FEM1A: variants seen among roughly 807,000 people sequenced by gnomAD.
The protein encoded by FEM1A is fem-1 homolog A.
FEM1A carries 1 observed loss-of-function variant against 0.7 expected under a neutral mutation model. The observed-to-expected ratio is 1.35, with a 90% CI of 0.48 to 6.40. The LOEUF is 6.40. Among genes scored for constraint, FEM1A ranks in the 30% most tolerant of loss-of-function variants. The pLI is 0.14. For missense variants in FEM1A, 721 were observed against 918.7 expected, an observed-to-expected ratio of 0.78 and a Z score of 2.78; for synonymous variants, 391 against 420.6, an observed-to-expected ratio of 0.93 and a Z score of 0.86.
Position 4,795,852 on chromosome 19 carries a change from A to G in FEM1A, c.*1988A>G, listed in dbSNP as rs569032680. The G allele has an allele frequency of 2.6e-3, 392 of 152,152 alleles. No individual in the cohort carries two copies. The highest frequency in any genetic ancestry group is 0.014 in the Middle Eastern group (4 of 294). The allele number at this position is 152,152 out of a possible 1,614,324, so 9.4% of individuals were successfully genotyped here. A position where few individuals can be genotyped will look rare whatever the true frequency, so the allele number is the denominator to read the frequency against. The stretch of plus-strand genomic sequence containing the variant: ...GCTGAGATTACAGGCACCTGCCACT[A>G]TGCCCAGCTAATTTTTGTATTTTCT... On this transcript the variant is annotated 3_prime_UTR_variant, in exon 1 of 1. Coordinates refer to ENST00000269856, the MANE Select transcript of FEM1A (RefSeq NM_018708.3).
rs1163115663 is a variant in FEM1A at position 4,791,998 on chromosome 19, C to T, written c.144C>T (p.Ala48=). 1.3e-6 allele frequency: 2 copies of T among 1,534,856 alleles called. No individual in the cohort carries two copies. Among genetic ancestry groups the T allele is most frequent in the Admixed American group, 2.0e-5 (1 of 51,166 alleles). ...VAGGGTPLLI[A]ARYGHLDVVE... The stretch of plus-strand genomic sequence containing the variant: ...GCGGGGGAACGCCGCTACTCATCGC[C>T]GCCCGCTACGGCCACCTGGACGTGG... Residue 48 remains alanine, a synonymous_variant, in exon 1 of 1, where the codon GCC becomes GCT. Transcript: ENST00000269856.
chr19:4,795,514 G>A lies in FEM1A; in HGVS notation c.*1650G>A, dbSNP rs1369188275. 2 of 166,848 alleles carry A rather than the reference G, an allele frequency of 1.2e-5. No homozygotes were observed. Among genetic ancestry groups the A allele is most frequent in the African/African-American group, 2.4e-5 (1 of 41,352 alleles). 10.3% of individuals were successfully genotyped at this position (166,848 alleles called of 1,614,324 possible). The stretch of plus-strand genomic sequence containing the variant: ...AGAAATGAGGCCGTTTACATGGCGA[G>A]TCTCCGTGCTGGTGTTTAAGTCATT... On this transcript the variant is annotated 3_prime_UTR_variant, in exon 1 of 1. Coordinates refer to ENST00000269856, the MANE Select transcript of FEM1A (RefSeq NM_018708.3).
At position 4,792,538 on chromosome 19, in the gene FEM1A, C is replaced by G; in HGVS notation, c.684C>G (p.Thr228=). The change falls in exon 1 of 1, where the codon ACC becomes ACG. Residue 228 remains threonine (T), a synonymous_variant. Coordinates refer to ENST00000269856, the MANE Select transcript of FEM1A (RefSeq NM_018708.3). The surrounding 1 kb of genome is among the most constrained non-coding windows in gnomAD (Gnocchi z 6.7). ...TCGCGGCCAGCGTGACGGGCCACAC[C>G]AACATCGTGGAGTACCTCATCCAGG... The part of the protein sequence containing the change: ...PLLAASVTGH[T]NIVEYLIQEQ... The G allele has an allele frequency of 1.2e-6, 2 of 1,602,170 alleles. No homozygotes were observed. The highest frequency in any genetic ancestry group is 1.7e-6 in the Non-Finnish European group (2 of 1,179,714).
rs1401384234 is a variant in FEM1A, at chr19:4,791,926, C to A, written c.72C>A (p.Ser24Arg). The change falls in exon 1 of 1, where the codon AGC becomes AGA. Residue 24 changes from serine (S) to arginine (R), a missense_variant. Ser to Arg is a moderately radical substitution (Grantham distance 110). Transcript: ENST00000269856. ...TGCAGCTGCTCCAGAAGCTGCTCAG[C>A]GGCCGGAGCCGGGAGGAACTGGACG... ...GKLQLLQKLL[S>R]GRSREELDEL... 3 of 1,525,664 alleles carry A rather than the reference C, an allele frequency of 2.0e-6. No homozygotes were observed. Among genetic ancestry groups the A allele is most frequent in the African/African-American group, 1.4e-5 (1 of 71,532 alleles). The allele number at this position is 1,525,664 out of a possible 1,614,324, so 94.5% of individuals were successfully genotyped here. A position where few individuals can be genotyped will look rare whatever the true frequency, so the allele number is the denominator to read the frequency against.
At position 4,792,811 on chromosome 19, in the gene FEM1A, T is replaced by G; in HGVS notation, c.957T>G (p.Leu319=). ...AGAAACGAGATCTGCTTGGGGCCCT[T>G]AAACACTGGAGGCGGGCCATGGAGC... The part of the protein sequence containing the change: ...VDKKRDLLGA[L]KHWRRAMELR... Residue 319 remains leucine, a synonymous_variant, in exon 1 of 1, where the codon CTT becomes CTG. Coordinates refer to ENST00000269856, the MANE Select transcript of FEM1A (RefSeq NM_018708.3). The surrounding 1 kb of genome is among the most constrained non-coding windows in gnomAD (Gnocchi z 6.7). 6.2e-7 allele frequency: 1 copy of G among 1,612,032 alleles called. No homozygotes were observed. Among genetic ancestry groups the G allele is most frequent in the Non-Finnish European group, 8.5e-7 (1 of 1,179,978 alleles).
rs1044386 is a variant in FEM1A at position 4,795,277 on chromosome 19, G to A, written c.*1413G>A. The A allele has an allele frequency of 0.2, 32,555 of 166,902 alleles. 3,408 individuals carry two copies. Among genetic ancestry groups the A allele is most frequent in the African/African-American group, 0.22 (9,249 of 41,424 alleles). The allele number at this position is 166,902 out of a possible 1,614,324, so 10.3% of individuals were successfully genotyped here. On this transcript the variant is annotated 3_prime_UTR_variant, in exon 1 of 1. Transcript: ENST00000269856. The stretch of plus-strand genomic sequence containing the variant: ...CAGCAGCAGGGAAGCCATTCTCACT[G>A]CATCCTCCCTGCAGTAGCCACGGCC...
In FEM1A at chr19:4,792,388, G is replaced by T. The variant is rs775324486; in HGVS notation, c.534G>T (p.Arg178=). 1 of 1,595,246 alleles carries T rather than the reference G, an allele frequency of 6.3e-7. No homozygotes were observed. The highest frequency in any genetic ancestry group is 8.5e-7 in the Non-Finnish European group (1 of 1,179,238). The change falls in exon 1 of 1, where the codon CGG becomes CGT. Residue 178 remains arginine (R), a synonymous_variant. Transcript: ENST00000269856. This position sits in a 1 kb window ranked among gnomAD's most constrained non-coding sequence, Gnocchi z 6.7. Reference sequence around the variant, plus strand: ...TGGAGCAGGGCGCCCAGGTGAACCGGCGCAGCGCCAAGGGCAACACGGCCC... The same window carrying T: ...TGGAGCAGGGCGCCCAGGTGAACCGTCGCAGCGCCAAGGGCAACACGGCCC... ...YLLEQGAQVN[R]RSAKGNTALH...
In FEM1A at chr19:4,793,593, A is replaced by T; in HGVS notation, c.1739A>T (p.Asp580Val). ...GCCGACCCGGACAGCAGGGATTTTG[A>T]CAACAACACCCCGCTACACATAGCA... is the stretch of plus-strand genomic sequence containing the variant. ...CGADPDSRDF[D>V]NNTPLHIAAQ... is the part of the protein sequence containing the mutation. Residue 580 changes from aspartate to valine, a missense_variant, in exon 1 of 1, where the codon GAC (aspartate) becomes GTC (valine). By Grantham distance (152) the Asp-to-Val change is radical (BLOSUM62 -3). Around this residue, in one of 4 missense-constraint regions of FEM1A, gnomAD observed 379 missense variants for 454.8 expected, o/e 0.83. Transcript: ENST00000269856. This position sits in a 1 kb window ranked among gnomAD's most constrained non-coding sequence, Gnocchi z 5.1. 1 of 1,612,692 alleles carries T rather than the reference A, an allele frequency of 6.2e-7. No homozygotes were observed. Among genetic ancestry groups the T allele is most frequent in the Non-Finnish European group, 8.5e-7 (1 of 1,179,816 alleles).
rs138347035 is a variant in FEM1A, at chr19:4,793,310, G to T, written c.1456G>T (p.Gly486Ter). 73 of 1,612,726 alleles carry T rather than the reference G, an allele frequency of 4.5e-5. No homozygotes were observed. Among genetic ancestry groups the T allele is most frequent in the Non-Finnish European group, 6.1e-5 (72 of 1,179,862 alleles). Residue 486 changes from glycine (G) to a stop codon, truncating the protein, a stop_gained, in exon 1 of 1, where the codon GGA (glycine) becomes TGA (stop). Transcript: ENST00000269856. LOFTEE classifies it low-confidence loss of function (END_TRUNC). This position sits in a 1 kb window ranked among gnomAD's most constrained non-coding sequence, Gnocchi z 5.1. ...ERALQLPREPGDSAQFTKALA... is the reference protein window; with the variant it reads ...ERALQLPREP The stretch of plus-strand genomic sequence containing the variant: ...GGCCCTGCAGCTGCCCAGGGAGCCC[G>T]GAGACTCAGCCCAGTTCACCAAGGC...
In FEM1A at chr19:4,800,597, AAT is replaced by A. The variant is rs1248381772; in HGVS notation, c.*6736_*6737del. The A allele has an allele frequency of 1.3e-5, 2 of 152,386 alleles. No individual in the cohort carries two copies. The highest frequency in any genetic ancestry group is 4.8e-5 in the African/African-American group (2 of 41,468). The allele number at this position is 152,386 out of a possible 1,614,324, so 9.4% of individuals were successfully genotyped here. A position where few individuals can be genotyped will look rare whatever the true frequency, so the allele number is the denominator to read the frequency against. ...TCTGTCCCACGCCAGGTGGCCTGTAAATATGGGCTGAGCAAGCGAACAGTGAA... is the reference window on the plus strand; with the variant it reads ...TCTGTCCCACGCCAGGTGGCCTGTAAATGGGCTGAGCAAGCGAACAGTGAA... On this transcript the variant is annotated 3_prime_UTR_variant, in exon 1 of 1. Transcript: ENST00000269856.
chr19:4,793,735 C>T lies in FEM1A; in HGVS notation c.1881C>T (p.Ala627=), dbSNP rs371791538. The T allele has an allele frequency of 6.2e-7, 1 of 1,612,652 alleles. No individual in the cohort carries two copies. Among genetic ancestry groups the T allele is most frequent in the African/African-American group, 1.3e-5 (1 of 74,878 alleles). ...AGCTGCTGGACGAGAAGCTGCTGGC[C>T]AGGGGTACCATGCAGCCCTTCAACT... ...AYELLDEKLL[A]RGTMQPFNYV... The change falls in exon 1 of 1, where the codon GCC becomes GCT. Residue 627 remains alanine, a synonymous_variant. Coordinates refer to ENST00000269856, the MANE Select transcript of FEM1A (RefSeq NM_018708.3). The surrounding 1 kb of genome is among the most constrained non-coding windows in gnomAD (Gnocchi z 5.1).
Position 4,794,105 on chromosome 19 carries a change from C to G in FEM1A, c.*241C>G, listed in dbSNP as rs2093558237. 1 of 529,788 alleles carries G rather than the reference C, an allele frequency of 1.9e-6. No homozygotes were observed. Among genetic ancestry groups the G allele is most frequent in the Non-Finnish European group, 3.5e-6 (1 of 286,682 alleles). The allele number at this position is 529,788 out of a possible 1,614,324, so 32.8% of individuals were successfully genotyped here. Reference sequence around the variant, plus strand: ...TTCTCCGGGAGCCCGCTCACTCATTCTGAGTTAGGAAAAGACACAAGACCT... The same window carrying G: ...TTCTCCGGGAGCCCGCTCACTCATTGTGAGTTAGGAAAAGACACAAGACCT... On this transcript the variant is annotated 3_prime_UTR_variant, in exon 1 of 1. Coordinates refer to ENST00000269856, the MANE Select transcript of FEM1A (RefSeq NM_018708.3).
rs900638405 is a variant in FEM1A, at chr19:4,791,827, G to A, written c.-28G>A. 6 of 1,455,544 alleles carry A rather than the reference G, an allele frequency of 4.1e-6. No individual in the cohort carries two copies. The highest frequency in any genetic ancestry group is 5.4e-6 in the Non-Finnish European group (6 of 1,104,360). 90.2% of individuals were successfully genotyped at this position (1,455,544 alleles called of 1,614,324 possible). On this transcript the variant is annotated 5_prime_UTR_variant, in exon 1 of 1. Coordinates refer to ENST00000269856, the MANE Select transcript of FEM1A (RefSeq NM_018708.3). ...TCCGTCTCCCCGTCCCCCGGCGGCC[G>A]GCCCATGGCCTGGCGGAGGCCCGAA...
In FEM1A at chr19:4,792,595, A is replaced by G. The variant is rs755330634; in HGVS notation, c.741A>G (p.Gly247=). The G allele has an allele frequency of 6.2e-7, 1 of 1,610,248 alleles. No individual in the cohort carries two copies. The highest frequency in any genetic ancestry group is 1.1e-5 in the South Asian group (1 of 90,982). Reference sequence around the variant, plus strand: ...CCGGCCAGGAGCAGGTCGCAGGGGGAGAGGCTCAGCCTGGGCTGCCCCAAG... The same window carrying G: ...CCGGCCAGGAGCAGGTCGCAGGGGGGGAGGCTCAGCCTGGGCTGCCCCAAG... ...EQPGQEQVAG[G]EAQPGLPQED... The change falls in exon 1 of 1, where the codon GGA becomes GGG. Residue 247 remains glycine (G), a synonymous_variant. Coordinates refer to ENST00000269856, the MANE Select transcript of FEM1A (RefSeq NM_018708.3). This position sits in a 1 kb window ranked among gnomAD's most constrained non-coding sequence, Gnocchi z 6.7.
Position 4,793,273 on chromosome 19 carries a change from G to T in FEM1A, c.1419G>T (p.Arg473=), listed in dbSNP as rs767367435. The T allele has an allele frequency of 6.2e-6, 10 of 1,613,182 alleles. No individual in the cohort carries two copies. Among genetic ancestry groups the T allele is most frequent in the Non-Finnish European group, 7.6e-6 (9 of 1,179,980 alleles). The change falls in exon 1 of 1, where the codon CGG becomes CGT. Residue 473 remains arginine, a synonymous_variant. Coordinates refer to ENST00000269856, the MANE Select transcript of FEM1A (RefSeq NM_018708.3). This position sits in a 1 kb window ranked among gnomAD's most constrained non-coding sequence, Gnocchi z 5.1. ...DLMGVLTKGV[R]EVERALQLPR... ...TGGGGGTTCTCACCAAAGGGGTCCG[G>T]GAAGTGGAACGGGCCCTGCAGCTGC...
chr19:4,793,445 A>G lies in FEM1A; in HGVS notation c.1591A>G (p.Arg531Gly). 1.2e-6 allele frequency: 2 copies of G among 1,612,340 alleles called. No homozygotes were observed. The highest frequency in any genetic ancestry group is 1.7e-6 in the Non-Finnish European group (2 of 1,179,856). ...TVYRLLKCAP[R>G]GKNGFTPLHM... ...CTACCGCCTGCTCAAGTGCGCGCCC[A>G]GGGGCAAGAACGGCTTCACCCCTCT... The change falls in exon 1 of 1, where the codon AGG (arginine) becomes GGG (glycine). Residue 531 changes from arginine to glycine, a missense_variant. Arg to Gly is a moderately radical substitution (Grantham distance 125, BLOSUM62 -2). Around this residue, in one of 4 missense-constraint regions of FEM1A, gnomAD observed 379 missense variants for 454.8 expected, o/e 0.83. Transcript: ENST00000269856. This position sits in a 1 kb window ranked among gnomAD's most constrained non-coding sequence, Gnocchi z 5.1.
Position 4,796,442 on chromosome 19 carries a change from G to A in FEM1A, c.*2578G>A, listed in dbSNP as rs1413769773. On this transcript the variant is annotated 3_prime_UTR_variant, in exon 1 of 1. Coordinates refer to ENST00000269856, the MANE Select transcript of FEM1A (RefSeq NM_018708.3). ...CTGACCTTGTGATCCACTCGCCTCG[G>A]CCTCCTAAAGTGCTGGGATTATAGG... 3 of 152,078 alleles carry A rather than the reference G, an allele frequency of 2.0e-5. No homozygotes were observed. Among genetic ancestry groups the A allele is most frequent in the African/African-American group, 4.8e-5 (2 of 41,368 alleles). The allele number at this position is 152,078 out of a possible 1,614,324, so 9.4% of individuals were successfully genotyped here.
rs2093563983 is a variant in FEM1A at position 4,798,254 on chromosome 19, A to ACAAACAAG, written c.*4394_*4395insCAAGCAAA. On this transcript the variant is annotated 3_prime_UTR_variant, in exon 1 of 1. Coordinates refer to ENST00000269856, the MANE Select transcript of FEM1A (RefSeq NM_018708.3). ...TCTCAAAAAACAAACAAACAAACAA[A>ACAAACAAG]CAAAACAAAGCAGGTCCGGTATGGC... is the stretch of plus-strand genomic sequence containing the variant. The ACAAACAAG allele has an allele frequency of 1.3e-5, 2 of 151,634 alleles. No individual in the cohort carries two copies. The highest frequency in any genetic ancestry group is 4.9e-5 in the African/African-American group (2 of 41,014). The allele number at this position is 151,634 out of a possible 1,614,324, so 9.4% of individuals were successfully genotyped here. A position where few individuals can be genotyped will look rare whatever the true frequency, so the allele number is the denominator to read the frequency against.
Position 4,796,579 on chromosome 19 carries a change from A to C in FEM1A, c.*2715A>C, listed in dbSNP as rs1232144269. ...ATTCTGGTTTTCTCCATATCAGAAC[A>C]GTCAAACCCCCACCAGAAAGCACCA... On this transcript the variant is annotated 3_prime_UTR_variant, in exon 1 of 1. Coordinates refer to ENST00000269856, the MANE Select transcript of FEM1A (RefSeq NM_018708.3). 6.6e-6 allele frequency: 1 copy of C among 152,194 alleles called. No homozygotes were observed. Among genetic ancestry groups the C allele is most frequent in the Non-Finnish European group, 1.5e-5 (1 of 68,082 alleles). 9.4% of individuals were successfully genotyped at this position (152,194 alleles called of 1,614,324 possible). A position where few individuals can be genotyped will look rare whatever the true frequency, so the allele number is the denominator to read the frequency against.
Sources: allele counts gnomAD v4.1 joint callset, GRCh38; gene constraint gnomAD v4.1.1; regional missense constraint gnomAD v4.1.1; non-coding constraint Gnocchi (gnomAD v3.1); transcripts MANE v1.5; gene names NCBI Gene and HGNC (gene_info 2026-07-23, HGNC 2026-07-21).